The following BCAS3 variants were observed in gnomAD, a reference collection of about 807,000 sequenced individuals.
BCAS3 encodes BCAS4/BCAS3 fusion.
BCAS3 carries 53 observed loss-of-function variants against 116.1 expected under a neutral mutation model. That is an observed-to-expected ratio of 0.46 (90% CI 0.37 to 0.57). The LOEUF is 0.57. Ranked by LOEUF, BCAS3 falls within the 20% of genes least tolerant of loss-of-function variation. The pLI is 0.00. For missense variants in BCAS3, 917 were observed against 1,165.4 expected (o/e 0.79, Z 3.10); for synonymous variants, 391 against 408.2 (o/e 0.96, Z 0.51).
chr17:60,866,491 C>CAT (rs1371078984), intron 7 of BCAS3, among the ~76,000 whole-genome samples: 5 of 152,096 alleles, frequency 3.3e-5, no homozygotes, highest in African/African-American at 1.2e-4. Context: ...GATATACAAG[C>CAT]ATATATTTTA....
intron 6 of BCAS3, among the ~76,000 whole-genome samples, chr17:60,751,063 T>C (rs1424230458): frequency 6.6e-6 from 1 of 152,202 alleles, no homozygotes; most frequent in Non-Finnish European, 1.5e-5. Context: ...GTGAATCCCC[T>C]TTCTAAAGGT....
In BCAS3 at chr17:61,126,398, G is replaced by A. The variant is rs371210969; in HGVS notation, c.2425+41834G>A. On this transcript the variant is annotated intron_variant, in intron 22 of 23. Coordinates refer to ENST00000407086, the MANE Select transcript of BCAS3 (RefSeq NM_017679.5). The surrounding 1 kb of genome is among the most constrained non-coding windows in gnomAD (Gnocchi z 4.6). Reference sequence around the variant, plus strand: ...GTGTATATGTGTCATGTTATCGCACGTGAACCACTGCCTATGTTAAATAGG... The same window carrying A: ...GTGTATATGTGTCATGTTATCGCACATGAACCACTGCCTATGTTAAATAGG... Among the ~76,000 whole-genome samples, 2 of 152,154 alleles carry A rather than the reference G, an allele frequency of 1.3e-5. No homozygotes were observed. Among genetic ancestry groups the A allele is most frequent in the Non-Finnish European group, 2.9e-5 (2 of 68,004 alleles).
At chr17:60,686,466 G>A (rs2034063642) in intron 3 of BCAS3, among the ~76,000 whole-genome samples, 2 of 152,062 alleles carry the variant, frequency 1.3e-5, no homozygotes, top group African/African-American at 2.4e-5. Flanking sequence ...AACATTGATG[G>A]ATGGTAGTTG....
rs2080648387 is a variant in BCAS3, at chr17:61,198,807, T to A, written c.2425+114243T>A. On this transcript the variant is annotated intron_variant, in intron 22 of 23. Transcript: ENST00000407086. The surrounding 1 kb of genome is among the most constrained non-coding windows in gnomAD (Gnocchi z 5.0). The stretch of plus-strand genomic sequence containing the variant: ...GGAATTTTAGAACTAACGGTTTAAT[T>A]TCCTGACTCTTAGAGTCCAAATGTT... Among the ~76,000 whole-genome samples, 1 of 152,218 alleles carries A rather than the reference T, an allele frequency of 6.6e-6. No individual in the cohort carries two copies. The highest frequency in any genetic ancestry group is 1.5e-5 in the Non-Finnish European group (1 of 68,026).
At chr17:60,917,590 T>C (rs2058838022) in intron 12 of BCAS3, among the ~76,000 whole-genome samples, 1 of 149,346 alleles carries the variant, frequency 6.7e-6, no homozygotes, top group Admixed American at 6.6e-5. Context: ...TTCTACCTTT[T>C]GCCAATTTTT....
intron 14 of BCAS3, among the ~76,000 whole-genome samples, chr17:60,955,510 C>G (rs1445099093): frequency 1.3e-5 from 2 of 151,400 alleles, no homozygotes; most frequent in African/African-American, 4.9e-5. Flanking sequence ...GCCTCAGCCT[C>G]TGGGATTACA....
At chr17:60,867,992 A>G (rs903855565) in intron 7 of BCAS3, among the ~76,000 whole-genome samples, 1 of 149,836 alleles carries the variant, frequency 6.7e-6, no homozygotes, top group African/African-American at 2.4e-5. Flanking sequence ...TTATGTATCT[A>G]TTGGTGTAAT....
At chr17:60,796,050 AAACC>A (rs1332677437) in intron 6 of BCAS3, among the ~76,000 whole-genome samples, 3 of 152,196 alleles carry the variant, frequency 2.0e-5, no homozygotes, top group South Asian at 2.1e-4. Flanking sequence ...CACGTATGTT[AAACC>A]ATCCCTGCAT....
chr17:61,153,328 C>G (rs2077645317), intron 22 of BCAS3, among the ~76,000 whole-genome samples: 1 of 152,236 alleles, frequency 6.6e-6, no homozygotes, highest in South Asian at 2.1e-4. Context: ...CAGTGGGGTA[C>G]TCCACCACCA....
chr17:61,120,074 A>G (rs578083510), intron 22 of BCAS3, among the ~76,000 whole-genome samples: 9 of 152,288 alleles, frequency 5.9e-5, no homozygotes, highest in Non-Finnish European at 1.2e-4. Flanking sequence ...AAATTAATTC[A>G]GAACTTTTAT....
In BCAS3 at chr17:61,329,427, G is replaced by A. The variant is rs534131293; in HGVS notation, c.2426-38900G>A. On this transcript the variant is annotated intron_variant, in intron 22 of 23. Transcript: ENST00000407086. ...GCGATCTCGGCTCACTGCAAGCTCC[G>A]CCTCCCGAGTTCACGCCATTCTCCT... Among the ~76,000 whole-genome samples the A allele has an allele frequency of 9.5e-3, 1,415 of 148,338 alleles. 28 individuals carry two copies. Among genetic ancestry groups the A allele is most frequent in the African/African-American group, 0.032 (1,281 of 40,204 alleles).
chr17:60,892,894 C>T (rs1220403913), intron 10 of BCAS3, among the ~76,000 whole-genome samples: 2 of 152,118 alleles, frequency 1.3e-5, no homozygotes, highest in Admixed American at 6.5e-5. Context: ...CGCACTCTAG[C>T]CTGGCCAACA....
rs189545337 is a variant in BCAS3 at position 61,392,615 on chromosome 17, G to A, written c.*490G>A. 205 of 156,052 alleles carry A rather than the reference G, an allele frequency of 1.3e-3. No homozygotes were observed. The highest frequency in any genetic ancestry group is 2.2e-3 in the Admixed American group (35 of 15,572). 9.7% of individuals were successfully genotyped at this position (156,052 alleles called of 1,614,324 possible). A position where few individuals can be genotyped will look rare whatever the true frequency, so the allele number is the denominator to read the frequency against. Reference sequence around the variant, plus strand: ...TTGGTCAGCCCCACTCCAGCACGGGGTGAACGGAGGCCCAGAGTACTAGGG... The same window carrying A: ...TTGGTCAGCCCCACTCCAGCACGGGATGAACGGAGGCCCAGAGTACTAGGG... On this transcript the variant is annotated 3_prime_UTR_variant, in exon 24 of 24. Coordinates refer to ENST00000407086, the MANE Select transcript of BCAS3 (RefSeq NM_017679.5). This position sits in a 1 kb window ranked among gnomAD's most constrained non-coding sequence, Gnocchi z 6.4.
At chr17:61,329,508 T>G (rs2056068304) in intron 22 of BCAS3, among the ~76,000 whole-genome samples, 1 of 151,660 alleles carries the variant, frequency 6.6e-6, no homozygotes, top group South Asian at 2.1e-4. Flanking sequence ...GCCCGGCTAA[T>G]TTTTTGTATT....
Position 61,366,256 on chromosome 17 carries a change from T to G in BCAS3, c.2426-2071T>G, listed in dbSNP as rs529651973. Among the ~76,000 whole-genome samples the G allele has an allele frequency of 6.1e-4, 93 of 152,270 alleles. No homozygotes were observed. Among genetic ancestry groups the G allele is most frequent in the African/African-American group, 2.2e-3 (93 of 41,546 alleles). ...CAGAGAAACGATGATGCTTTAGCAC[T>G]GTAGCACTAGATCTTGTCAAATAAG... On this transcript the variant is annotated intron_variant, in intron 22 of 23. Transcript: ENST00000407086. This position sits in a 1 kb window ranked among gnomAD's most constrained non-coding sequence, Gnocchi z 4.5.
At chr17:61,372,458 G>GTAAT (rs2059099852) in intron 23 of BCAS3, among the ~76,000 whole-genome samples, 2 of 152,120 alleles carry the variant, frequency 1.3e-5, no homozygotes, top group African/African-American at 2.4e-5. Context: ...TAATTTCCAA[G>GTAAT]TTGGCTTTGT....
chr17:61,317,182 A>G (rs2054819120), intron 22 of BCAS3, among the ~76,000 whole-genome samples: 1 of 152,170 alleles, frequency 6.6e-6, no homozygotes, highest in Non-Finnish European at 1.5e-5. Context: ...TATTTGATCA[A>G]TTTGAGCATT....
intron 22 of BCAS3, among the ~76,000 whole-genome samples, chr17:61,170,257 C>T (rs925472548): frequency 1.3e-5 from 2 of 151,452 alleles, no homozygotes; most frequent in Non-Finnish European, 2.9e-5. Flanking sequence ...ACAAACTGAA[C>T]AATGATATGA....
intron 22 of BCAS3, among the ~76,000 whole-genome samples, chr17:61,334,559 G>A (rs1185424424): frequency 6.6e-6 from 1 of 151,268 alleles, no homozygotes; most frequent in Non-Finnish European, 1.5e-5. Flanking sequence ...AGCTACTCAG[G>A]AGGCTGAGGC....
Sources: gnomAD v4.1 joint callset for allele counts (sites outside exome capture counted in the v4.1 genomes callset) on GRCh38, gnomAD v4.1.1 for gene constraint, Gnocchi (gnomAD v3.1) non-coding constraint, MANE v1.5 for transcripts, NCBI Gene and HGNC (gene_info 2026-07-23, HGNC 2026-07-21) for gene names.